Variants in BCR observed in about 807,000 individuals in gnomAD.
BCR encodes the protein BCR activator of RhoGEF and GTPase, also known as breakpoint cluster region protein.
In BCR, 58 loss-of-function variants were observed where a neutral mutation model predicts 138.6. The ratio of observed to expected loss-of-function variants is 0.42; its 90% confidence interval spans 0.34 to 0.52. The LOEUF is 0.52. BCR is among the 20% of genes least tolerant of loss of function. The pLI is 0.06. For synonymous variants in BCR, 786 were observed against 730.1 expected, an observed-to-expected ratio of 1.08 and a Z score of -1.23; for missense variants, 1,599 against 1,727.2, an observed-to-expected ratio of 0.93 and a Z score of 1.32.
chr22:23,187,276 TA>T (rs2072355861), intron 1 of BCR, among the ~76,000 whole-genome samples: 1 of 139,136 alleles, frequency 7.2e-6, no homozygotes, highest in South Asian at 2.3e-4. Flanking sequence ...TGGCTTAAAA[TA>T]CTTTTTTTTT....
At chr22:23,264,708 G>T (rs1302249123) in intron 4 of BCR, 1 of 160,156 alleles carries the variant, frequency 6.2e-6, no homozygotes, top group Admixed American at 6.2e-5. Context: ...GTGAGGTGAG[G>T]TTCTCCCGCC....
intron 5 of BCR, among the ~76,000 whole-genome samples, chr22:23,269,512 G>C (rs574311912): frequency 9.8e-5 from 15 of 152,314 alleles, no homozygotes; most frequent in East Asian, 7.7e-4. Context: ...CTGAGGCTTT[G>C]TGCCGTCTTA....
chr22:23,254,493 A>G, intron 2 of BCR: 1 of 519,064 alleles, frequency 1.9e-6, no homozygotes, highest in Non-Finnish European at 3.8e-6. Flanking sequence ...TGGCTTCCCC[A>G]AGGTCTCATG....
chr22:23,225,980 A>G (rs534785069), intron 1 of BCR, among the ~76,000 whole-genome samples: 4 of 152,220 alleles, frequency 2.6e-5, no homozygotes, highest in Non-Finnish European at 5.9e-5. Context: ...GTGAAAAGCT[A>G]CACAAACAAA....
intron 16 of BCR, among the ~76,000 whole-genome samples, chr22:23,295,851 C>T (rs73152661): frequency 0.033 from 5,071 of 152,250 alleles, 113 homozygotes; most frequent in Admixed American, 0.061. Context: ...CTGTTCCCAC[C>T]CTCACAATTG....
intron 1 of BCR, among the ~76,000 whole-genome samples, chr22:23,201,461 T>TGTTTTTC (rs920894679): frequency 4.6e-5 from 7 of 152,050 alleles, no homozygotes; most frequent in African/African-American, 1.7e-4. Flanking sequence ...CTGGTTTTTT[T>TGTTTTTC]GTTTTTTCGT....
At chr22:23,306,359 G>A (rs1197232727) in intron 16 of BCR, 1 of 152,360 alleles carries the variant, frequency 6.6e-6, no homozygotes, top group Non-Finnish European at 1.5e-5. Flanking sequence ...CAGGACCTGA[G>A]CAGGGTGTCC....
At chr22:23,222,102 AAAAG>A (rs1331690158) in intron 1 of BCR, among the ~76,000 whole-genome samples, 4 of 147,516 alleles carry the variant, frequency 2.7e-5, no homozygotes, top group Non-Finnish European at 5.9e-5. Flanking sequence ...AAAAACAAAA[AAAAG>A]AGAGAGAAGT....
Position 23,285,186 on chromosome 22 carries a change from C to A in BCR, c.2391C>A (p.Asp797Glu). The stretch of plus-strand genomic sequence containing the variant: ...TCAAGATCTCCCAGATCAAGAATGA[C>A]ATCCAGAGAGAGAAGGTGCACACCA... ...LKIKISQIKNDIQREKRANKG... is the reference protein window; with the variant it reads ...LKIKISQIKNEIQREKRANKG... The change falls in exon 10 of 23, where the codon GAC becomes GAA. Residue 797 changes from aspartate to glutamate, a missense_variant. Physicochemically the swap from Asp to Glu is conservative, Grantham distance 45 (BLOSUM62 2). Around this residue, in one of 4 missense-constraint regions of BCR, gnomAD observed 590 missense variants for 762.4 expected, o/e 0.77. Coordinates refer to ENST00000305877, the MANE Select transcript of BCR (RefSeq NM_004327.4). 1 of 1,612,616 alleles carries A rather than the reference C, an allele frequency of 6.2e-7. No individual in the cohort carries two copies. Among genetic ancestry groups the A allele is most frequent in the Admixed American group, 1.7e-5 (1 of 59,908 alleles).
intron 14 of BCR, among the ~76,000 whole-genome samples, chr22:23,291,965 C>A (rs2073791901): frequency 6.6e-6 from 1 of 152,124 alleles, no homozygotes; most frequent in Non-Finnish European, 1.5e-5. Flanking sequence ...AAATGCAAAC[C>A]CCACCCTGCA....
intron 1 of BCR, among the ~76,000 whole-genome samples, chr22:23,231,446 A>G (rs942567300): frequency 1.3e-5 from 2 of 151,916 alleles, no homozygotes; most frequent in African/African-American, 4.8e-5. Context: ...GTTTGAGGCA[A>G]TGGTGAGCCA....
rs978910137 is a variant in BCR at position 23,278,427 on chromosome 22, T to A, written c.2115+4653T>A. ...AGAACCAAGGTCTTTCAGTTGATGA[T>A]TAAAGAGTTGGAGAACAGGCTGGGC... On this transcript the variant is annotated intron_variant, in intron 8 of 22. Transcript: ENST00000305877. 2.0e-5 allele frequency among the ~76,000 whole-genome samples: 3 copies of A among 152,248 alleles called. No individual in the cohort carries two copies. The South Asian group carries it at 6.2e-4, about 32-fold the overall frequency.
chr22:23,233,118 C>G lies in BCR; in HGVS notation c.1280-20681C>G, dbSNP rs532926919. 6.4e-4 allele frequency among the ~76,000 whole-genome samples: 97 copies of G among 152,304 alleles called. 1 individual carries two copies. Among genetic ancestry groups the G allele is most frequent in the African/African-American group, 2.3e-3 (95 of 41,568 alleles). On this transcript the variant is annotated intron_variant, in intron 1 of 22. Transcript: ENST00000305877. Reference sequence around the variant, plus strand: ...GGCTCTTCTATGCCTTCTGTTGTGTCCTGGGACCCCTTGGCATCTCCAGGC... The same window carrying G: ...GGCTCTTCTATGCCTTCTGTTGTGTGCTGGGACCCCTTGGCATCTCCAGGC...
intron 1 of BCR, among the ~76,000 whole-genome samples, chr22:23,208,679 C>A (rs1478694945): frequency 6.6e-6 from 1 of 152,068 alleles, no homozygotes; most frequent in East Asian, 1.9e-4. Flanking sequence ...GTGGTGAAAC[C>A]CCGTCTCTAC....
chr22:23,304,055 T>C (rs2073931267), intron 16 of BCR, among the ~76,000 whole-genome samples: 1 of 148,602 alleles, frequency 6.7e-6, no homozygotes, highest in African/African-American at 2.5e-5. Context: ...TACCTTAGCC[T>C]CTCAAGTAGC....
chr22:23,276,012 G>T (rs964833601), intron 8 of BCR, among the ~76,000 whole-genome samples: 1 of 152,152 alleles, frequency 6.6e-6, no homozygotes, highest in Non-Finnish European at 1.5e-5. Flanking sequence ...TGACACCTAG[G>T]CCCTCGTTCC....
intron 1 of BCR, among the ~76,000 whole-genome samples, chr22:23,198,732 G>A (rs1054029960): frequency 1.3e-5 from 2 of 152,162 alleles, no homozygotes; most frequent in Non-Finnish European, 2.9e-5. Context: ...GCACCGGGCC[G>A]AATCGTGATA....
rs1399758671 is a variant in BCR at position 23,290,320 on chromosome 22, T to C, written c.2708-19T>C. Reference sequence around the variant, plus strand: ...TTTCCCGGGACAACAGAAGCTGACCTCTTTGATCTCTTGCGCAGATGATGA... The same window carrying C: ...TTTCCCGGGACAACAGAAGCTGACCCCTTTGATCTCTTGCGCAGATGATGA... On this transcript the variant is annotated intron_variant, in intron 13 of 22. Coordinates refer to ENST00000305877, the MANE Select transcript of BCR (RefSeq NM_004327.4). 6.2e-7 allele frequency: 1 copy of C among 1,611,836 alleles called. No homozygotes were observed. Among genetic ancestry groups the C allele is most frequent in the Admixed American group, 1.7e-5 (1 of 60,032 alleles).
rs1376940833 is a variant in BCR at position 23,182,190 on chromosome 22, C to T, written c.1230C>T (p.Thr410=). 1.3e-6 allele frequency: 2 copies of T among 1,598,496 alleles called. No individual in the cohort carries two copies. Among genetic ancestry groups the T allele is most frequent in the Admixed American group, 1.7e-5 (1 of 59,498 alleles). ...SEATIVGVRK[T]GQIWPNDGEG... ...CCACCATCGTGGGCGTCCGCAAGACCGGGCAGATCTGGCCCAACGATGGCG... is the reference window on the plus strand; with the variant it reads ...CCACCATCGTGGGCGTCCGCAAGACTGGGCAGATCTGGCCCAACGATGGCG... Residue 410 remains threonine (T), a synonymous_variant, in exon 1 of 23, where the codon ACC becomes ACT. Coordinates refer to ENST00000305877, the MANE Select transcript of BCR (RefSeq NM_004327.4).
Sources: allele counts gnomAD v4.1 joint callset (sites outside exome capture counted in the v4.1 genomes callset), GRCh38; gene constraint gnomAD v4.1.1; regional missense constraint gnomAD v4.1.1; transcripts MANE v1.5; gene names NCBI Gene and HGNC (gene_info 2026-07-23, HGNC 2026-07-21).